KCNG3: variants seen among roughly 807,000 people sequenced by gnomAD.
The protein encoded by KCNG3 is potassium voltage-gated channel modifier subfamily G member 3.
A neutral mutation model predicts 29.0 loss-of-function variants in KCNG3; 15 were observed. The ratio of observed to expected loss-of-function variants is 0.52; its 90% CI spans 0.35 to 0.80. The LOEUF is 0.80. Ranked by LOEUF, KCNG3 falls within the 30% of genes least tolerant of loss-of-function variation. KCNG3 has a pLI of 0.01. For missense variants in KCNG3, 512 were observed against 605.7 expected (o/e 0.85, Z 1.62); for synonymous variants, 322 against 248.9 (o/e 1.29, Z -2.76).
chr2:42,445,458 G>A (rs1412288975), intron 1 of KCNG3, among the ~76,000 whole-genome samples: 1 of 152,092 alleles, frequency 6.6e-6, no homozygotes, highest in Non-Finnish European at 1.5e-5. Context: ...ATGGGGAACT[G>A]GGTGAGTGCC....
chr2:42,420,941 T>C, the KCNG3 span, among the ~76,000 whole-genome samples: 2 of 152,196 alleles, frequency 1.3e-5, no homozygotes, highest in African/African-American at 2.4e-5. Flanking sequence ...CCAGGTTGTA[T>C]CCTTAGCCCA....
At chr2:42,441,732 C>A (rs201834212), downstream of KCNG3, among the ~76,000 whole-genome samples, 2 of 124,644 alleles carry the variant, frequency 1.6e-5, no homozygotes, top group African/African-American at 3.0e-5. Context: ...ACACATATCC[C>A]TATATATAAA....
the KCNG3 span, among the ~76,000 whole-genome samples, chr2:42,405,026 C>G: frequency 6.6e-6 from 1 of 152,202 alleles, no homozygotes; most frequent in Non-Finnish European, 1.5e-5. Context: ...TTCCCTTCTT[C>G]CAACCAAATC....
chr2:42,466,108 T>C (rs1673135848), intron 1 of KCNG3, among the ~76,000 whole-genome samples: 1 of 152,204 alleles, frequency 6.6e-6, no homozygotes, highest in Admixed American at 6.6e-5. Context: ...TTTAGGTATG[T>C]TTAAATACAC....
chr2:42,471,072 A>G (rs1673273103), intron 1 of KCNG3, among the ~76,000 whole-genome samples: 1 of 151,144 alleles, frequency 6.6e-6, no homozygotes, highest in Non-Finnish European at 1.5e-5. Context: ...GGATCACTTG[A>G]GCCTAGGGCT....
At chr2:42,396,795 G>T in the KCNG3 span, among the ~76,000 whole-genome samples, 1 of 152,056 alleles carries the variant, frequency 6.6e-6, no homozygotes, top group Non-Finnish European at 1.5e-5. Flanking sequence ...CTGATGGATG[G>T]GTAGGAGAGG....
the KCNG3 span, among the ~76,000 whole-genome samples, chr2:42,411,619 C>T: frequency 1.3e-5 from 2 of 152,024 alleles, no homozygotes; most frequent in Non-Finnish European, 2.9e-5. Context: ...AGTAGCTGGG[C>T]TTACAGGTGT....
chr2:42,492,914 C>T lies in KCNG3; in HGVS notation c.588G>A (p.Trp196Ter). 6.3e-7 allele frequency: 1 copy of T among 1,582,240 alleles called. No individual in the cohort carries two copies. The highest frequency in any genetic ancestry group is 8.6e-7 in the Non-Finnish European group (1 of 1,168,354). Residue 196 changes from tryptophan to a stop codon, truncating the protein, a stop_gained, in exon 1 of 2, where the codon TGG becomes TGA. Transcript: ENST00000306078. LOFTEE classifies it high-confidence loss of function. ...VVLCASTLPD[W>*]RNAAADNRSL... ...TGCGGTTGTCGGCGGCTGCGTTGCG[C>T]CAGTCGGGCAACGTGCTGGCGCACA...
At chr2:42,485,612 T>C (rs1330455628) in intron 1 of KCNG3, among the ~76,000 whole-genome samples, 1 of 152,000 alleles carries the variant, frequency 6.6e-6, no homozygotes, top group Non-Finnish European at 1.5e-5. Context: ...GCCTAGCTAA[T>C]TTTGTTTTTG....
the KCNG3 span, among the ~76,000 whole-genome samples, chr2:42,404,003 T>C: frequency 2.6e-5 from 4 of 152,236 alleles, no homozygotes; most frequent in Non-Finnish European, 5.9e-5. Context: ...ATAAGCTAAG[T>C]AACTGTTTCT....
At chr2:42,473,166 G>A (rs1478280628) in intron 1 of KCNG3, among the ~76,000 whole-genome samples, 1 of 151,978 alleles carries the variant, frequency 6.6e-6, no homozygotes, top group African/African-American at 2.4e-5. Flanking sequence ...AAAGTGCTGA[G>A]ATTACAGGTG....
In KCNG3 at chr2:42,492,980, A is replaced by T. The variant is rs1234898414; in HGVS notation, c.522T>A (p.Ala174=). 1.9e-6 allele frequency: 3 copies of T among 1,548,932 alleles called. No homozygotes were observed. The highest frequency in any genetic ancestry group is 2.6e-6 in the Non-Finnish European group (3 of 1,151,256). The part of the protein sequence containing the change: ...PTSSLAAQIL[A]SVSVVFVIVS... ...CGATCACGAACACCACCGACACGCT[A>T]GCCAGGATCTGCGCGGCCAGCGACG... Residue 174 remains alanine (A), a synonymous_variant, in exon 1 of 2, where the codon GCT becomes GCA. Coordinates refer to ENST00000306078, the MANE Select transcript of KCNG3 (RefSeq NM_133329.6).
intron 1 of KCNG3, among the ~76,000 whole-genome samples, chr2:42,457,629 A>T (rs1374845838): frequency 7.8e-6 from 1 of 128,512 alleles, no homozygotes; most frequent in African/African-American, 3.6e-5. Context: ...GGCAGATCTC[A>T]CACACACACA....
chr2:42,492,172 C>T (rs1033095742), intron 1 of KCNG3, among the ~76,000 whole-genome samples: 14 of 152,078 alleles, frequency 9.2e-5, no homozygotes, highest in African/African-American at 3.4e-4. Flanking sequence ...GGTTTTTTCC[C>T]TTCCCATATC....
At chr2:42,422,882 T>C in the KCNG3 span, among the ~76,000 whole-genome samples, 2 of 152,142 alleles carry the variant, frequency 1.3e-5, no homozygotes, top group African/African-American at 4.8e-5. Context: ...CCCCACCTCC[T>C]TGTTGGGCCC....
At chr2:42,429,844 G>A in the KCNG3 span, among the ~76,000 whole-genome samples, 10 of 152,270 alleles carry the variant, frequency 6.6e-5, no homozygotes, top group African/African-American at 2.4e-4. Flanking sequence ...AAGAAGAAGA[G>A]AAACAATGCG....
chr2:42,403,434 T>A, the KCNG3 span, among the ~76,000 whole-genome samples: 1 of 151,374 alleles, frequency 6.6e-6, no homozygotes, highest in African/African-American at 2.4e-5. Flanking sequence ...TGAGCCACCA[T>A]ACCTGGCTTA....
At chr2:42,398,218 G>C in the KCNG3 span, among the ~76,000 whole-genome samples, 2 of 140,740 alleles carry the variant, frequency 1.4e-5, no homozygotes, top group Admixed American at 1.5e-4. Flanking sequence ...GCGAGACTCT[G>C]TCTCAAAAAT....
chr2:42,441,226 T>C (rs771605103), downstream of KCNG3, among the ~76,000 whole-genome samples: 1 of 150,574 alleles, frequency 6.6e-6, no homozygotes, highest in African/African-American at 2.4e-5. Flanking sequence ...TACAAAAAAA[T>C]AAAAATTAAA....
Sources: allele counts gnomAD v4.1 joint callset (sites outside exome capture counted in the v4.1 genomes callset), GRCh38; gene constraint gnomAD v4.1.1; transcripts MANE v1.5; gene names NCBI Gene and HGNC (gene_info 2026-07-23, HGNC 2026-07-21).